Variants in CNST observed in about 807,000 individuals in gnomAD.
The protein encoded by CNST is consortin, connexin sorting protein.
In CNST, 39 loss-of-function variants were observed where a neutral mutation model predicts 72.4. That is an observed-to-expected ratio of 0.54 (90% CI 0.42 to 0.70). The LOEUF (loss-of-function observed/expected upper bound fraction) is 0.70, where lower values mean the gene tolerates loss of function less well. Among genes scored for constraint, CNST ranks in the 30% least tolerant of loss-of-function variants. The pLI is 0.00. For synonymous variants in CNST, 332 were observed against 320.1 expected, an observed-to-expected ratio of 1.04 and a Z score of -0.40; for missense variants, 871 against 868.5, an observed-to-expected ratio of 1.00 and a Z score of -0.04.
chr1:246,586,061 C>T (rs1039492847), intron 1 of CNST, among the ~76,000 whole-genome samples: 13 of 144,212 alleles, frequency 9.0e-5, no homozygotes, highest in African/African-American at 3.1e-4. Flanking sequence ...GCCTGGGGGA[C>T]AAAGTGAGAC....
chr1:246,593,431 T>C (rs1661678451), intron 2 of CNST, among the ~76,000 whole-genome samples: 1 of 151,936 alleles, frequency 6.6e-6, no homozygotes, highest in Non-Finnish European at 1.5e-5. Flanking sequence ...CAAGCAATTC[T>C]CCTTCCTCAG....
Position 246,621,443 on chromosome 1 carries a change from G to A in CNST, c.394G>A (p.Asp132Asn). Residue 132 changes from aspartate to asparagine, a missense_variant, in exon 3 of 11, where the codon GAT (aspartate) becomes AAT (asparagine). Asp to Asn is a conservative substitution (Grantham distance 23, BLOSUM62 1). Coordinates refer to ENST00000366513, the MANE Select transcript of CNST (RefSeq NM_152609.3). ...KKIPPGLFSG[D>N]IAPLMQEKVL... ...ACTTCTTAAAGGACTTTTTTCAGGA[G>A]ATATTGCACCTTTAATGCAAGAAAA... 6.2e-7 allele frequency: 1 copy of A among 1,613,226 alleles called. No homozygotes were observed. Among genetic ancestry groups the A allele is most frequent in the Non-Finnish European group, 8.5e-7 (1 of 1,179,516 alleles).
chr1:246,589,182 G>A (rs938646043), intron 1 of CNST, among the ~76,000 whole-genome samples: 6 of 151,892 alleles, frequency 4.0e-5, no homozygotes, highest in Admixed American at 1.3e-4. Flanking sequence ...TGTTACATAT[G>A]TATTCATGTG....
Position 246,612,328 on chromosome 1 carries a change from A to G in CNST, c.380-9101A>G, listed in dbSNP as rs573003890. Among the ~76,000 whole-genome samples, 5 of 152,222 alleles carry G rather than the reference A, an allele frequency of 3.3e-5. No individual in the cohort carries two copies. In the East Asian group the frequency reaches 9.7e-4, roughly 29 times the overall value. On this transcript the variant is annotated intron_variant, in intron 2 of 10. Transcript: ENST00000366513. ...GTGACTCTTCTGCCTCAGCCTCCCA[A>G]GTAGCTGGGATTACAGGTGCATGCT... is the stretch of plus-strand genomic sequence containing the variant.
In CNST at chr1:246,572,251, A is replaced by G. The variant is rs148273980; in HGVS notation, c.-52+5588A>G. On this transcript the variant is annotated intron_variant, in intron 1 of 10. Transcript: ENST00000366513. ...AAGACCCTGTCTCAAAAATACATAC[A>G]TAAATGAATTAAATACTTTTTTATA... 1.8e-3 allele frequency among the ~76,000 whole-genome samples: 267 copies of G among 152,348 alleles called. 1 individual carries two copies. The highest frequency in any genetic ancestry group is 5.9e-3 in the African/African-American group (244 of 41,588).
At chr1:246,599,460 C>T (rs957116410) in intron 2 of CNST, among the ~76,000 whole-genome samples, 4 of 152,206 alleles carry the variant, frequency 2.6e-5, no homozygotes, top group Non-Finnish European at 5.9e-5. Context: ...TACCCTTCCT[C>T]CATCTTCAAG....
intron 2 of CNST, among the ~76,000 whole-genome samples, chr1:246,619,958 C>T (rs575269728): frequency 0.011 from 849 of 78,860 alleles, 13 homozygotes; most frequent in Middle Eastern, 0.018. Context: ...CGGCTTCAGT[C>T]GTGCATACAC....
chr1:246,660,475 C>T (rs1363794062), intron 10 of CNST, 141 bp downstream of exon 10: 9 of 835,792 alleles, frequency 1.1e-5, no homozygotes, highest in Non-Finnish European at 1.6e-5. Context: ...CCTGTAATCC[C>T]AGCACTTTAG....
At chr1:246,633,544 G>A (rs770929688) in intron 4 of CNST, among the ~76,000 whole-genome samples, 2 of 151,738 alleles carry the variant, frequency 1.3e-5, no homozygotes, top group Admixed American at 6.6e-5. Context: ...AGTTCGAGAC[G>A]AGCCTGGCTC....
chr1:246,661,168 C>T (rs1667083034), intron 10 of CNST, among the ~76,000 whole-genome samples: 1 of 152,032 alleles, frequency 6.6e-6, no homozygotes, highest in South Asian at 2.1e-4. Flanking sequence ...CGGGGTTTCA[C>T]CATGTTGGTC....
chr1:246,617,406 C>T (rs950029711), intron 2 of CNST, among the ~76,000 whole-genome samples: 5 of 152,212 alleles, frequency 3.3e-5, no homozygotes, highest in African/African-American at 7.2e-5. Flanking sequence ...TGTTTGTCCT[C>T]AAATAAGATT....
chr1:246,646,464 A>G (rs1666078262), intron 8 of CNST, among the ~76,000 whole-genome samples: 2 of 152,028 alleles, frequency 1.3e-5, no homozygotes, highest in African/African-American at 4.8e-5. Context: ...ATATTTACTT[A>G]ATACACCATG....
At chr1:246,615,796 T>C (rs1410489680) in intron 2 of CNST, among the ~76,000 whole-genome samples, 2 of 151,876 alleles carry the variant, frequency 1.3e-5, no homozygotes, top group African/African-American at 2.4e-5. Context: ...GAGAATAGCT[T>C]GAACCCAGGA....
Position 246,634,007 on chromosome 1 carries a change from T to C in CNST, c.700T>C (p.Trp234Arg). 2 of 1,601,466 alleles carry C rather than the reference T, an allele frequency of 1.2e-6. No homozygotes were observed. Among genetic ancestry groups the C allele is most frequent in the Non-Finnish European group, 1.7e-6 (2 of 1,168,514 alleles). The change falls in exon 5 of 11, where the codon TGG (tryptophan) becomes CGG (arginine). Residue 234 changes from tryptophan to arginine, a missense_variant. Coordinates refer to ENST00000366513, the MANE Select transcript of CNST (RefSeq NM_152609.3). Reference sequence around the variant, plus strand: ...AAATCTTTCTGCCATTCAAGAACAGTGGGGTAAGTACAGACCAACATGGAA... The same window carrying C: ...AAATCTTTCTGCCATTCAAGAACAGCGGGGTAAGTACAGACCAACATGGAA... ...LANLSAIQEQ[W>R]ETKWKTVQPH...
intron 1 of CNST, among the ~76,000 whole-genome samples, chr1:246,577,798 G>T (rs184644169): frequency 6.6e-6 from 1 of 152,160 alleles, no homozygotes; most frequent in Admixed American, 6.5e-5. Context: ...CTTTAGAAAA[G>T]AACTAAAACA....
At chr1:246,585,922 A>G (rs915135146) in intron 1 of CNST, among the ~76,000 whole-genome samples, 1 of 151,720 alleles carries the variant, frequency 6.6e-6, no homozygotes, top group South Asian at 2.1e-4. Context: ...TCTACAAAAA[A>G]TTTAAAAATT....
At chr1:246,628,392 C>T (rs1009982293) in intron 3 of CNST, among the ~76,000 whole-genome samples, 1 of 152,058 alleles carries the variant, frequency 6.6e-6, no homozygotes, top group African/African-American at 2.4e-5. Flanking sequence ...AGTGTGAGAA[C>T]TAATTTTAGG....
chr1:246,661,768 A>G (rs1667117526), intron 10 of CNST, among the ~76,000 whole-genome samples: 1 of 152,226 alleles, frequency 6.6e-6, no homozygotes, highest in African/African-American at 2.4e-5. Flanking sequence ...AACAGTGTAA[A>G]TATTTAGGTA....
At chr1:246,567,353 C>CTT (rs562340280) in intron 1 of CNST, among the ~76,000 whole-genome samples, 1,675 of 148,072 alleles carry the variant, frequency 0.011, 13 homozygotes, top group Non-Finnish European at 0.017. Flanking sequence ...TTTTGGCAGT[C>CTT]TTTTTTTTTT....
Sources: allele counts gnomAD v4.1 joint callset (sites outside exome capture counted in the v4.1 genomes callset), GRCh38; gene constraint gnomAD v4.1.1; transcripts MANE v1.5; gene names NCBI Gene and HGNC (gene_info 2026-07-23, HGNC 2026-07-21).